The following LINGO2 variants were observed in gnomAD, a reference collection of about 807,000 sequenced individuals.
LINGO2 encodes leucine-rich repeat and immunoglobulin-like domain-containing nogo receptor-interacting protein 2.
Under a neutral mutation model 30.6 loss-of-function variants are expected in LINGO2, and 14 were observed. That is an observed-to-expected ratio of 0.46 (90% CI 0.30 to 0.72). The LOEUF is 0.72. LINGO2 is among the 30% of genes least tolerant of loss of function. LINGO2 has a pLI of 0.07. For synonymous variants in LINGO2, 317 were observed against 288.5 expected, an observed-to-expected ratio of 1.10 and a Z score of -1.00; for missense variants, 729 against 751.7, an observed-to-expected ratio of 0.97 and a Z score of 0.35.
intron 4 of LINGO2, among the ~76,000 whole-genome samples, chr9:28,265,649 G>T (rs949636988): frequency 2.0e-5 from 3 of 152,078 alleles, no homozygotes; most frequent in African/African-American, 7.2e-5. Context: ...TCTAACTTGA[G>T]AAATTTAAAG....
At chr9:28,109,693 A>G (rs1252249264) in intron 4 of LINGO2, among the ~76,000 whole-genome samples, 4 of 152,142 alleles carry the variant, frequency 2.6e-5, no homozygotes, top group South Asian at 4.1e-4. Flanking sequence ...GACAAGGGAC[A>G]TGAAGGATCT....
At chr9:28,214,664 T>C (rs1587241542) in intron 4 of LINGO2, among the ~76,000 whole-genome samples, 1 of 151,588 alleles carries the variant, frequency 6.6e-6, no homozygotes, top group South Asian at 2.1e-4. Context: ...GAAAATAGTG[T>C]CATCTACTAA....
intron 5 of LINGO2, among the ~76,000 whole-genome samples, chr9:27,977,016 T>C (rs892073866): frequency 1.3e-5 from 2 of 150,278 alleles, no homozygotes; most frequent in African/African-American, 4.8e-5. Flanking sequence ...AGACTTCTGT[T>C]CCACTGGACT....
the LINGO2 span, among the ~76,000 whole-genome samples, chr9:29,134,430 CACA>C: frequency 6.6e-6 from 1 of 151,750 alleles, no homozygotes; most frequent in Non-Finnish European, 1.5e-5. Context: ...ACATTTTTTT[CACA>C]ACTTTGAAAT....
At chr9:29,117,360 C>T in the LINGO2 span, among the ~76,000 whole-genome samples, 2 of 152,134 alleles carry the variant, frequency 1.3e-5, no homozygotes, top group Non-Finnish European at 2.9e-5. Context: ...AGTGTAAGCA[C>T]GTATTTCCAC....
chr9:28,199,877 T>G (rs978279860), intron 4 of LINGO2, among the ~76,000 whole-genome samples: 1 of 151,980 alleles, frequency 6.6e-6, no homozygotes, highest in African/African-American at 2.4e-5. Flanking sequence ...ATAATAACCT[T>G]TTAAAGTATT....
chr9:28,396,812 A>G (rs1822068772), intron 2 of LINGO2, among the ~76,000 whole-genome samples: 1 of 151,954 alleles, frequency 6.6e-6, no homozygotes. Flanking sequence ...GAGAGAAACT[A>G]CCTTGAGGTT....
the LINGO2 span, among the ~76,000 whole-genome samples, chr9:28,984,509 C>A: frequency 6.6e-6 from 1 of 151,868 alleles, no homozygotes; most frequent in Non-Finnish European, 1.5e-5. Context: ...TCAGAGGGCA[C>A]AGGAATTTAA....
the LINGO2 span, among the ~76,000 whole-genome samples, chr9:29,139,610 A>G: frequency 6.6e-6 from 1 of 152,124 alleles, no homozygotes; most frequent in African/African-American, 2.4e-5. Flanking sequence ...TTGGAAAAAA[A>G]TTAGAAGTCA....
the LINGO2 span, among the ~76,000 whole-genome samples, chr9:29,030,072 A>G: frequency 6.6e-6 from 1 of 152,194 alleles, no homozygotes; most frequent in Non-Finnish European, 1.5e-5. Flanking sequence ...AAAAAAAGTG[A>G]AAGATTGCTG....
intron 4 of LINGO2, among the ~76,000 whole-genome samples, chr9:28,179,640 T>C (rs1828856263): frequency 7.7e-6 from 1 of 129,044 alleles, no homozygotes; most frequent in South Asian, 2.6e-4. Context: ...TTATACTATA[T>C]ATACTGTAGT....
the LINGO2 span, among the ~76,000 whole-genome samples, chr9:29,085,281 TAAAAAAAAAAA>T: frequency 5.8e-4 from 45 of 77,058 alleles, no homozygotes; most frequent in South Asian, 2.2e-3. Flanking sequence ...CTATGGTAAG[TAAAAAAAAAAA>T]AAAAAAAAAA....
chr9:28,625,296 G>C (rs1443124673), intron 1 of LINGO2, among the ~76,000 whole-genome samples: 3 of 152,134 alleles, frequency 2.0e-5, no homozygotes, highest in Admixed American at 2.0e-4. Context: ...CTAAGTCACT[G>C]TGTTCTCCCT....
intron 1 of LINGO2, among the ~76,000 whole-genome samples, chr9:28,506,475 CACACATACACAT>C (rs1454374484): frequency 0.37 from 5,955 of 15,902 alleles, 1,484 homozygotes; most frequent in Middle Eastern, 0.7. Context: ...CACACACACA[CACACATACACAT>C]ACACACACAC....
chr9:28,636,508 T>C (rs1302068095), intron 1 of LINGO2, among the ~76,000 whole-genome samples: 3 of 152,200 alleles, frequency 2.0e-5, no homozygotes, highest in Admixed American at 1.3e-4. Context: ...TTTTTAATGA[T>C]TGCCATTCTA....
the LINGO2 span, among the ~76,000 whole-genome samples, chr9:29,194,712 T>C: frequency 1.3e-5 from 2 of 152,196 alleles, no homozygotes; most frequent in Non-Finnish European, 2.9e-5. Flanking sequence ...GATTTGGATG[T>C]ACATTTACCC....
In LINGO2 at chr9:28,595,884, C is replaced by T. The variant is rs541789625; in HGVS notation, c.-365+74316G>A. Among the ~76,000 whole-genome samples the T allele has an allele frequency of 1.7e-4, 26 of 152,068 alleles. No homozygotes were observed. In the South Asian group the frequency reaches 5.0e-3, roughly 29 times the overall value. On this transcript the variant is annotated intron_variant, in intron 1 of 5. Transcript: ENST00000379992. ...TGATGATGACAAATAGATATTTGAC[C>T]AATTAAACATAAAGATACTAGCTAA...
At chr9:28,152,110 C>T (rs893971477) in intron 4 of LINGO2, among the ~76,000 whole-genome samples, 6 of 152,128 alleles carry the variant, frequency 3.9e-5, no homozygotes, top group African/African-American at 1.2e-4. Context: ...GGATATTTAA[C>T]CTTCAAATCC....
At chr9:28,456,349 T>A (rs533143942) in intron 2 of LINGO2, among the ~76,000 whole-genome samples, 4 of 152,312 alleles carry the variant, frequency 2.6e-5, no homozygotes, top group Non-Finnish European at 5.9e-5. Context: ...CTATACTGGA[T>A]TGACTCATTT....
Sources: gnomAD v4.1 joint callset for allele counts (sites outside exome capture counted in the v4.1 genomes callset) on GRCh38, gnomAD v4.1.1 for gene constraint, MANE v1.5 for transcripts, NCBI Gene and HGNC (gene_info 2026-07-23, HGNC 2026-07-21) for gene names.